CDH18: variants seen among roughly 807,000 people sequenced by gnomAD.
CDH18 encodes cadherin-18.
In CDH18, 31 loss-of-function variants were observed where a neutral mutation model predicts 67.9. The ratio of observed to expected loss-of-function variants is 0.46; its 90% CI spans 0.34 to 0.62. CDH18 has a LOEUF of 0.62. Among genes scored for constraint, CDH18 ranks in the 20% least tolerant of loss-of-function variants. The pLI is 0.01. For missense variants in CDH18, 890 were observed against 975.5 expected, an observed-to-expected ratio of 0.91 and a Z score of 1.17; for synonymous variants, 362 against 347.2, an observed-to-expected ratio of 1.04 and a Z score of -0.48.
At chr5:20,538,061 C>T (rs1217901517) in intron 1 of CDH18, among the ~76,000 whole-genome samples, 1 of 151,308 alleles carries the variant, frequency 6.6e-6, no homozygotes, top group Non-Finnish European at 1.5e-5. Context: ...AATTTTGACC[C>T]ATAAGCTCAG....
chr5:20,065,465 AT>A (rs1742901369), intron 2 of CDH18, among the ~76,000 whole-genome samples: 1 of 152,006 alleles, frequency 6.6e-6, no homozygotes. Flanking sequence ...GGTAATAGAA[AT>A]TCATTAAATA....
chr5:19,747,891 G>A (rs1770244296), intron 3 of CDH18, among the ~76,000 whole-genome samples: 1 of 151,124 alleles, frequency 6.6e-6, no homozygotes, highest in African/African-American at 2.4e-5. Context: ...GGCAGATCAC[G>A]AGGTCAGCAG....
At chr5:19,520,055 A>G (rs1746644384) in intron 10 of CDH18, among the ~76,000 whole-genome samples, 1 of 152,184 alleles carries the variant, frequency 6.6e-6, no homozygotes, top group African/African-American at 2.4e-5. Context: ...AAACAAATGC[A>G]CAACCCCTTT....
chr5:19,869,527 A>AG (rs1785982467), intron 2 of CDH18, among the ~76,000 whole-genome samples: 1 of 152,128 alleles, frequency 6.6e-6, no homozygotes. Flanking sequence ...AGAAAATAAA[A>AG]ATCTTCTTTT....
chr5:20,112,615 G>A lies in CDH18; in HGVS notation c.-517-120601C>T, dbSNP rs540252027. 2.6e-4 allele frequency among the ~76,000 whole-genome samples: 39 copies of A among 152,242 alleles called. 2 individuals carry two copies. In the South Asian group the frequency reaches 8.1e-3, roughly 32 times the overall value. ...TAAATCCCCAGCTACTTGGGAGGCC[G>A]AGGCAGGAGAATTGCTTGAACCCTG... On this transcript the variant is annotated intron_variant, in intron 2 of 14. Coordinates refer to the CDH18 transcript ENST00000507958.
intron 4 of CDH18, among the ~76,000 whole-genome samples, chr5:19,745,245 T>C (rs1769829662): frequency 6.6e-6 from 1 of 152,230 alleles, no homozygotes; most frequent in African/African-American, 2.4e-5. Context: ...TTGTTGTTGT[T>C]ATTTACTTAT....
intron 2 of CDH18, among the ~76,000 whole-genome samples, chr5:20,142,235 A>C (rs1296941488): frequency 6.6e-6 from 1 of 152,108 alleles, no homozygotes; most frequent in African/African-American, 2.4e-5. Flanking sequence ...ATCTTATTTC[A>C]AATTTAGTTA....
intron 1 of CDH18, among the ~76,000 whole-genome samples, chr5:20,481,913 C>T (rs776405927): frequency 6.6e-6 from 1 of 150,402 alleles, no homozygotes; most frequent in Non-Finnish European, 1.5e-5. Flanking sequence ...CAAGAGCAAA[C>T]CAAACCCAAA....
intron 2 of CDH18, among the ~76,000 whole-genome samples, chr5:20,209,311 A>G (rs1443873908): frequency 2.0e-5 from 3 of 152,120 alleles, no homozygotes; most frequent in African/African-American, 7.2e-5. Context: ...TCTCATGCTT[A>G]TTGCAGCACT....
chr5:20,219,444 A>C (rs908034374), intron 2 of CDH18, among the ~76,000 whole-genome samples: 1 of 151,782 alleles, frequency 6.6e-6, no homozygotes, highest in Non-Finnish European at 1.5e-5. Context: ...TCAGAAAAAT[A>C]GCAGAGGAAG....
intron 5 of CDH18, among the ~76,000 whole-genome samples, chr5:19,614,992 A>C (rs1219135712): frequency 6.6e-6 from 1 of 152,012 alleles, no homozygotes; most frequent in Non-Finnish European, 1.5e-5. Context: ...CTAAAAATAC[A>C]AAAAATTAGC....
Position 19,473,292 on chromosome 5 carries a change from G to C in CDH18, c.2307C>G (p.Asp769Glu). ...CTAACTTTTTAAACTCGGGTCCCCA[G>C]TCTCCAAGGTAGTGATAATCCTGGT... ...QSDQDYHYLG[D>E]WGPEFKKLAE... The change falls in exon 13 of 13, where the codon GAC (aspartate) becomes GAG (glutamate). Residue 769 changes from aspartate (D) to glutamate (E), a missense_variant. Around this residue, in one of 2 missense-constraint regions of CDH18, gnomAD observed 656 missense variants for 668.1 expected, o/e 0.98. Transcript: ENST00000382275. 5 of 1,613,788 alleles carry C rather than the reference G, an allele frequency of 3.1e-6. No individual in the cohort carries two copies. Among genetic ancestry groups the C allele is most frequent in the Non-Finnish European group, 4.2e-6 (5 of 1,179,844 alleles).
chr5:19,703,145 C>T (rs1371527420), intron 5 of CDH18, among the ~76,000 whole-genome samples: 1 of 152,094 alleles, frequency 6.6e-6, no homozygotes, highest in East Asian at 1.9e-4. Context: ...GTCTTTAATT[C>T]CTCTAGCTCC....
At chr5:20,519,241 C>G (rs748799678) in intron 1 of CDH18, among the ~76,000 whole-genome samples, 1 of 152,054 alleles carries the variant, frequency 6.6e-6, no homozygotes, top group African/African-American at 2.4e-5. Context: ...CAACAATAGA[C>G]TGGATTAAGA....
At chr5:19,994,889 G>T (rs1406828601) in intron 2 of CDH18, among the ~76,000 whole-genome samples, 3 of 134,120 alleles carry the variant, frequency 2.2e-5, no homozygotes, top group Non-Finnish European at 3.2e-5. Flanking sequence ...TGTAGAAAAA[G>T]ATATATAGAG....
At chr5:19,999,217 T>TAC (rs149828207) in intron 2 of CDH18, among the ~76,000 whole-genome samples, 2,182 of 149,856 alleles carry the variant, frequency 0.015, 17 homozygotes, top group Middle Eastern at 0.035. Flanking sequence ...AACTATTATT[T>TAC]ACACACACAC....
chr5:20,213,077 C>T (rs574030984), intron 2 of CDH18, among the ~76,000 whole-genome samples: 4 of 152,140 alleles, frequency 2.6e-5, no homozygotes, highest in Non-Finnish European at 4.4e-5. Context: ...TGATTAAGCT[C>T]ATTAAGCTTA....
intron 2 of CDH18, among the ~76,000 whole-genome samples, chr5:19,912,184 A>AAT (rs1554062241): frequency 7.2e-5 from 5 of 69,758 alleles, no homozygotes. Context: ...CAATAATAAT[A>AAT]AAAAAAAAAC....
rs1024409475 is a variant in CDH18 at position 19,842,854 on chromosome 5, C to T, written c.-256-3612G>A. Among the ~76,000 whole-genome samples, 6 of 152,176 alleles carry T rather than the reference C, an allele frequency of 3.9e-5. No homozygotes were observed. In the East Asian group the frequency reaches 1.2e-3, roughly 30 times the overall value. On this transcript the variant is annotated intron_variant, in intron 2 of 12. Transcript: ENST00000382275. ...CCAGGCTGAGGCAGTCTCAGATAGA[C>T]ATGAGGAATTTTTTAGGAACTGGAG... is the stretch of plus-strand genomic sequence containing the variant.
Sources: allele counts gnomAD v4.1 joint callset (sites outside exome capture counted in the v4.1 genomes callset), GRCh38; gene constraint gnomAD v4.1.1; regional missense constraint gnomAD v4.1.1; transcripts MANE v1.5; gene names NCBI Gene and HGNC (gene_info 2026-07-23, HGNC 2026-07-21).